TRAK1: variants seen among roughly 807,000 people sequenced by gnomAD.
TRAK1 encodes trafficking kinesin protein 1, also known as trafficking kinesin-binding protein 1.
TRAK1 carries 33 observed loss-of-function variants against 92.1 expected under a neutral mutation model. The ratio of observed to expected loss-of-function variants is 0.36; its 90% confidence interval spans 0.27 to 0.48. TRAK1 has a LOEUF of 0.48. Ranked by LOEUF, TRAK1 falls within the 20% of genes least tolerant of loss-of-function variation. TRAK1 has a pLI of 0.99. For missense variants in TRAK1, 1,123 were observed against 1,257.9 expected (o/e 0.89, Z 1.62); for synonymous variants, 521 against 517.3 (o/e 1.01, Z -0.10).
intron 1 of TRAK1, among the ~76,000 whole-genome samples, chr3:42,077,597 A>G (rs1213219383): frequency 6.6e-6 from 1 of 151,876 alleles, no homozygotes; most frequent in East Asian, 1.9e-4. Context: ...CTGTTTTTCC[A>G]TTTGTTTGTG....
chr3:42,022,912 A>C (rs1272160964), intron 1 of TRAK1, among the ~76,000 whole-genome samples: 2 of 152,052 alleles, frequency 1.3e-5, no homozygotes, highest in South Asian at 4.1e-4. Context: ...TAATCCCAGC[A>C]CTTTGGGAGG....
At chr3:42,080,414 A>T (rs916627288) in intron 1 of TRAK1, among the ~76,000 whole-genome samples, 2 of 152,098 alleles carry the variant, frequency 1.3e-5, no homozygotes, top group Non-Finnish European at 2.9e-5. Flanking sequence ...TGGTTGCAGA[A>T]TTTCTCACTC....
rs1214218296 is a variant in TRAK1, at chr3:42,209,830, C to T, written c.1808C>T (p.Pro603Leu). The change falls in exon 14 of 16, where the codon CCC becomes CTC. Residue 603 changes from proline to leucine, a missense_variant. Physicochemically the swap from Pro to Leu is moderately conservative, Grantham distance 98. This residue lies in a region of TRAK1 where 36 missense variants were observed against 71.3 expected (regional missense o/e 0.50). Transcript: ENST00000327628. ...AQPHLGGILD[P>L]RPGVVTKGFR... ...CCTCACCTTGGGGGCATCCTGGACC[C>T]CCGGCCCGGTGTGGTCACCAAGGGC... 6.2e-7 allele frequency: 1 copy of T among 1,614,070 alleles called. No individual in the cohort carries two copies. The highest frequency in any genetic ancestry group is 8.5e-7 in the Non-Finnish European group (1 of 1,180,060).
At position 42,104,927 on chromosome 3, in the gene TRAK1, C is replaced by T. The variant is rs188989342; in HGVS notation, c.91+13367C>T. The stretch of plus-strand genomic sequence containing the variant: ...CCAAGCTAAAGGAGGATGTTCAAAC[C>T]CATTGCAAAGAAGCTAAAAATCTTT... On this transcript the variant is annotated intron_variant, in intron 1 of 15. Coordinates refer to ENST00000327628, the MANE Select transcript of TRAK1 (RefSeq NM_001042646.3). Among the ~76,000 whole-genome samples the T allele has an allele frequency of 2.9e-3, 447 of 151,822 alleles. 1 individual carries two copies. The highest frequency in any genetic ancestry group is 9.9e-3 in the African/African-American group (411 of 41,418).
In TRAK1 at chr3:42,184,673, T is replaced by G; in HGVS notation, c.364-12T>G. On this transcript the variant is annotated splice_polypyrimidine_tract_variant and intron_variant, in intron 3 of 15. Transcript: ENST00000327628. ...TCTTTTGAATCTCTGTTCTCCCTCT[T>G]TCCTTTTGTAGAAAGAGCGGGATTT... The G allele has an allele frequency of 1.2e-6, 2 of 1,613,200 alleles. No individual in the cohort carries two copies. Among genetic ancestry groups the G allele is most frequent in the Non-Finnish European group, 1.7e-6 (2 of 1,179,362 alleles).
intron 10 of TRAK1, among the ~76,000 whole-genome samples, chr3:42,195,371 A>C (rs541264505): frequency 6.6e-6 from 1 of 152,382 alleles, no homozygotes; most frequent in East Asian, 1.9e-4. Context: ...GATGGCCTAA[A>C]GAGCAAACTC....
chr3:42,051,295 C>T (rs1193701596), intron 1 of TRAK1: 1 of 152,294 alleles, frequency 6.6e-6, no homozygotes, highest in African/African-American at 2.4e-5. Context: ...CAGATCTCAT[C>T]ATATCTGTCA....
chr3:42,220,106 A>G (rs758817080), intron 15 of TRAK1, among the ~76,000 whole-genome samples: 30 of 152,168 alleles, frequency 2.0e-4, no homozygotes, highest in Non-Finnish European at 4.1e-4. Context: ...TTGTCAGTAG[A>G]GCACAGAGTT....
At chr3:42,095,131 A>G (rs1705711711) in intron 1 of TRAK1, among the ~76,000 whole-genome samples, 1 of 152,202 alleles carries the variant, frequency 6.6e-6, no homozygotes, top group Non-Finnish European at 1.5e-5. Context: ...GGAGACACAT[A>G]TTATACAGTT....
At chr3:42,158,492 T>G (rs1700821266) in intron 2 of TRAK1, among the ~76,000 whole-genome samples, 1 of 152,158 alleles carries the variant, frequency 6.6e-6, no homozygotes, top group Admixed American at 6.5e-5. Context: ...TAAATAAGTA[T>G]TTTTTGAGTG....
intron 2 of TRAK1, chr3:42,149,382 T>C (rs1699694643): frequency 6.9e-7 from 1 of 1,447,026 alleles, no homozygotes; most frequent in Non-Finnish European, 9.1e-7. Flanking sequence ...CTGTTTTGGC[T>C]CCAGACTGTC....
intron 13 of TRAK1, among the ~76,000 whole-genome samples, chr3:42,207,484 C>T (rs1022220354): frequency 2.0e-5 from 3 of 152,106 alleles, no homozygotes; most frequent in Admixed American, 1.3e-4. Context: ...TTCTGAACCC[C>T]GGCTATGCCA....
rs538150386 is a variant in TRAK1, at chr3:42,050,873, G to A, written c.-518-36231G>A. 7.2e-5 allele frequency among the ~76,000 whole-genome samples: 11 copies of A among 152,242 alleles called. No homozygotes were observed. In the South Asian group the frequency reaches 2.3e-3, roughly 32 times the overall value. Reference sequence around the variant, plus strand: ...GGGTTTCACCATGTTGGCCAGGCTGGTCATTATTATATCTTTTAAAAACTT... The same window carrying A: ...GGGTTTCACCATGTTGGCCAGGCTGATCATTATTATATCTTTTAAAAACTT... On this transcript the variant is annotated intron_variant, in intron 1 of 16. Coordinates refer to the TRAK1 transcript ENST00000487159.
At chr3:42,142,828 A>G (rs1698838839) in intron 2 of TRAK1, among the ~76,000 whole-genome samples, 1 of 152,140 alleles carries the variant, frequency 6.6e-6, no homozygotes, top group Non-Finnish European at 1.5e-5. Flanking sequence ...TCTAACCGTT[A>G]TTAACTCTGT....
chr3:42,181,586 C>T (rs748309611), intron 3 of TRAK1, among the ~76,000 whole-genome samples: 23 of 152,118 alleles, frequency 1.5e-4, no homozygotes, highest in Non-Finnish European at 2.2e-4. Flanking sequence ...AAAATATCAG[C>T]GCTTGTTGGA....
At chr3:42,032,384 C>T (rs532962254) in intron 1 of TRAK1, among the ~76,000 whole-genome samples, 1 of 151,964 alleles carries the variant, frequency 6.6e-6, no homozygotes, top group East Asian at 1.9e-4. Context: ...AGCGAGGCTG[C>T]CCATTGTCCC....
chr3:42,147,176 C>T (rs2149245684), intron 2 of TRAK1, among the ~76,000 whole-genome samples: 1 of 152,200 alleles, frequency 6.6e-6, no homozygotes, highest in South Asian at 2.1e-4. Context: ...TGTCAGATAG[C>T]AGGGGCAGTT....
At position 42,192,002 on chromosome 3, in the gene TRAK1, A is replaced by G. The variant is rs146281734; in HGVS notation, c.769+366A>G. Among the ~76,000 whole-genome samples, 808 of 140,698 alleles carry G rather than the reference A, an allele frequency of 5.7e-3. 15 individuals are homozygous for G. The highest frequency in any genetic ancestry group is 0.02 in the African/African-American group (769 of 38,106). The allele number at this position is 140,698 out of a possible 152,430, so 92.3% of individuals were successfully genotyped here. A position where few individuals can be genotyped will look rare whatever the true frequency, so the allele number is the denominator to read the frequency against. ...CTGCAACCTCTGCCTCCCGGGTTCA[A>G]GTGATTCTGCCAGCTTAGCCTCTCA... On this transcript the variant is annotated intron_variant, in intron 7 of 15. Coordinates refer to ENST00000327628, the MANE Select transcript of TRAK1 (RefSeq NM_001042646.3).
chr3:42,099,479 T>C (rs188818822), intron 1 of TRAK1, among the ~76,000 whole-genome samples: 2 of 152,266 alleles, frequency 1.3e-5, no homozygotes, highest in East Asian at 3.9e-4. Context: ...GATTTTGACC[T>C]AGATGATGGA....
Sources: allele counts gnomAD v4.1 joint callset (sites outside exome capture counted in the v4.1 genomes callset), GRCh38; gene constraint gnomAD v4.1.1; regional missense constraint gnomAD v4.1.1; transcripts MANE v1.5; gene names NCBI Gene and HGNC (gene_info 2026-07-23, HGNC 2026-07-21).